Variants in SOX5 observed in about 807,000 individuals in gnomAD.
SOX5 encodes SRY-box transcription factor 5.
A neutral mutation model predicts 92.0 loss-of-function variants in SOX5; 9 were observed. The ratio of observed to expected loss-of-function variants is 0.10; its 90% CI spans 0.06 to 0.17. The LOEUF is 0.17. Ranked by LOEUF, SOX5 falls within the 10% of genes least tolerant of loss-of-function variation. The pLI is 1.00. For missense variants in SOX5, 642 were observed against 944.5 expected (o/e 0.68, Z 4.20); for synonymous variants, 344 against 336.3 (o/e 1.02, Z -0.25).
intron 3 of SOX5, among the ~76,000 whole-genome samples, chr12:24,215,718 T>C (rs960306558): frequency 4.6e-5 from 7 of 152,094 alleles, no homozygotes; most frequent in Non-Finnish European, 7.4e-5. Context: ...AAAATCCCAG[T>C]TGGCTTTTTT....
At chr12:23,943,508 T>C (rs555885036) in intron 1 of SOX5, among the ~76,000 whole-genome samples, 1 of 152,208 alleles carries the variant, frequency 6.6e-6, no homozygotes, top group East Asian at 1.9e-4. Flanking sequence ...GATCATCAGA[T>C]ACATTTATAC....
At chr12:23,727,553 A>C (rs970218420) in intron 6 of SOX5, among the ~76,000 whole-genome samples, 5 of 152,148 alleles carry the variant, frequency 3.3e-5, no homozygotes, top group African/African-American at 1.2e-4. Context: ...GTCAAGGAAC[A>C]CTTTATACTT....
intron 3 of SOX5, among the ~76,000 whole-genome samples, chr12:23,803,085 A>G (rs973188574): frequency 6.6e-6 from 1 of 152,186 alleles, no homozygotes; most frequent in East Asian, 1.9e-4. Context: ...CTTCTCTACA[A>G]GATTCCATCA....
chr12:24,489,245 T>G (rs962483834), intron 1 of SOX5, among the ~76,000 whole-genome samples: 3 of 152,242 alleles, frequency 2.0e-5, no homozygotes, highest in African/African-American at 7.2e-5. Context: ...ATTTGCTTCA[T>G]GTAGATTTCA....
At chr12:24,202,659 T>C (rs1352301872) in intron 4 of SOX5, among the ~76,000 whole-genome samples, 6 of 152,212 alleles carry the variant, frequency 3.9e-5, no homozygotes, top group Admixed American at 3.9e-4. Context: ...TTCACACTTT[T>C]TAAGGGTCCT....
At chr12:23,731,967 T>C (rs774029752) in intron 6 of SOX5, among the ~76,000 whole-genome samples, 2 of 152,162 alleles carry the variant, frequency 1.3e-5, no homozygotes, top group Non-Finnish European at 2.9e-5. Flanking sequence ...AGGCACTGTA[T>C]TTAAAAAAGA....
At chr12:24,256,387 C>T (rs1941167659) in intron 3 of SOX5, among the ~76,000 whole-genome samples, 2 of 152,110 alleles carry the variant, frequency 1.3e-5, no homozygotes, top group South Asian at 4.1e-4. Flanking sequence ...GGCTTGACCA[C>T]GAAGATGAAA....
chr12:23,878,505 A>G (rs1381730564), intron 2 of SOX5, among the ~76,000 whole-genome samples: 1 of 152,076 alleles, frequency 6.6e-6, no homozygotes, highest in Admixed American at 6.6e-5. Context: ...TTGGTCTGAT[A>G]ATAAAAATGC....
At chr12:24,236,512 A>T (rs1233977171) in intron 3 of SOX5, among the ~76,000 whole-genome samples, 18 of 152,210 alleles carry the variant, frequency 1.2e-4, no homozygotes. Flanking sequence ...AAGCACAAAC[A>T]GCTAATTTCT....
intron 9 of SOX5, among the ~76,000 whole-genome samples, chr12:23,581,738 T>C (rs1367819972): frequency 2.6e-5 from 4 of 152,228 alleles, no homozygotes; most frequent in Admixed American, 2.6e-4. Flanking sequence ...AGAAAAGAAG[T>C]CCATTTACTT....
intron 8 of SOX5, among the ~76,000 whole-genome samples, chr12:23,634,587 A>G (rs1246318634): frequency 6.6e-6 from 1 of 152,166 alleles, no homozygotes. Flanking sequence ...GGTGATGTGG[A>G]GCAAAACAGT....
chr12:23,536,779 G>C, intron 13 of SOX5, 110 bp from the exon 14 acceptor site: 1 of 806,968 alleles, frequency 1.2e-6, no homozygotes, highest in Non-Finnish European at 2.1e-6. Flanking sequence ...CCAAAACCCA[G>C]AAATACATAA....
chr12:24,063,074 T>G (rs906257470), intron 4 of SOX5, among the ~76,000 whole-genome samples: 7 of 152,230 alleles, frequency 4.6e-5, no homozygotes, highest in Non-Finnish European at 8.8e-5. Context: ...TCATAATTCT[T>G]AAGTACTGCC....
At chr12:23,759,722 G>A (rs572331353) in intron 3 of SOX5, among the ~76,000 whole-genome samples, 50 of 152,188 alleles carry the variant, frequency 3.3e-4, no homozygotes, top group African/African-American at 1.2e-3. Flanking sequence ...GTTTGTTAAC[G>A]TGTGAATATG....
intron 4 of SOX5, among the ~76,000 whole-genome samples, chr12:24,140,714 G>T (rs117302993): frequency 6.6e-6 from 1 of 152,162 alleles, no homozygotes. Context: ...TTCTAACAAC[G>T]TATGTATTTA....
chr12:24,489,797 C>A (rs1480074776), intron 1 of SOX5, among the ~76,000 whole-genome samples: 1 of 152,190 alleles, frequency 6.6e-6, no homozygotes, highest in Admixed American at 6.5e-5. Flanking sequence ...GCAAACAAGG[C>A]TCTGATGGCT....
chr12:23,937,614 C>T (rs1044663994), intron 1 of SOX5, among the ~76,000 whole-genome samples: 6 of 150,892 alleles, frequency 4.0e-5, no homozygotes, highest in African/African-American at 1.5e-4. Context: ...TATCTCATAA[C>T]CATCTGGGGT....
chr12:23,838,086 T>C (rs1390260741), intron 3 of SOX5, among the ~76,000 whole-genome samples: 1 of 137,580 alleles, frequency 7.3e-6, no homozygotes, highest in East Asian at 2.1e-4. Flanking sequence ...TATATTTATA[T>C]ATATTTATAC....
intron 1 of SOX5, among the ~76,000 whole-genome samples, chr12:24,418,586 T>C (rs894588136): frequency 6.6e-6 from 1 of 152,158 alleles, no homozygotes; most frequent in Non-Finnish European, 1.5e-5. Context: ...TTCAAGAATA[T>C]TGCTGATATA....
Sources: allele counts gnomAD v4.1 joint callset (sites outside exome capture counted in the v4.1 genomes callset), GRCh38; gene constraint gnomAD v4.1.1; transcripts MANE v1.5; gene names NCBI Gene and HGNC (gene_info 2026-07-23, HGNC 2026-07-21).